The following CNTNAP2 variants were observed in gnomAD, a reference collection of about 807,000 sequenced individuals.
CNTNAP2 encodes contactin-associated protein-like 2.
Under a neutral mutation model 155.2 loss-of-function variants are expected in CNTNAP2, and 98 were observed. The ratio of observed to expected loss-of-function variants is 0.63; its 90% CI spans 0.54 to 0.75. CNTNAP2 has a LOEUF of 0.75. Among genes scored for constraint, CNTNAP2 ranks in the 30% least tolerant of loss-of-function variants. The pLI is 0.00. For missense variants in CNTNAP2, 1,727 were observed against 1,688.1 expected, an observed-to-expected ratio of 1.02 and a Z score of -0.40; for synonymous variants, 651 against 631.2, an observed-to-expected ratio of 1.03 and a Z score of -0.47.
chr7:147,935,124 A>T (rs1922889), intron 14 of CNTNAP2, among the ~76,000 whole-genome samples: 1 of 151,508 alleles, frequency 6.6e-6, no homozygotes, highest in South Asian at 2.1e-4. Flanking sequence ...AGGTTTGAGT[A>T]AATCTTTCTT....
intron 1 of CNTNAP2, among the ~76,000 whole-genome samples, chr7:146,126,722 A>G (rs1797643336): frequency 6.6e-6 from 1 of 152,238 alleles, no homozygotes; most frequent in Non-Finnish European, 1.5e-5. Context: ...TTCATTTCAT[A>G]CAATAGCTAA....
At chr7:147,728,893 G>A (rs1796688849) in intron 13 of CNTNAP2, among the ~76,000 whole-genome samples, 1 of 151,452 alleles carries the variant, frequency 6.6e-6, no homozygotes, top group Non-Finnish European at 1.5e-5. Flanking sequence ...CATAAAATTG[G>A]CAAAGCATTG....
chr7:147,669,891 T>G (rs936091489), intron 13 of CNTNAP2, among the ~76,000 whole-genome samples: 1 of 152,178 alleles, frequency 6.6e-6, no homozygotes, highest in Non-Finnish European at 1.5e-5. Flanking sequence ...CACAAACATT[T>G]CACTAACACC....
intron 1 of CNTNAP2, among the ~76,000 whole-genome samples, chr7:146,706,649 A>C (rs1800970469): frequency 6.6e-6 from 1 of 152,136 alleles, no homozygotes; most frequent in Admixed American, 6.6e-5. Flanking sequence ...CATTATCCTT[A>C]GCAAACTAAC....
At chr7:146,927,417 T>G (rs1385763883) in intron 3 of CNTNAP2, among the ~76,000 whole-genome samples, 1 of 152,132 alleles carries the variant, frequency 6.6e-6, no homozygotes, top group East Asian at 1.9e-4. Context: ...AGTCTGCAGT[T>G]TCTCCAGAAT....
chr7:146,777,625 A>G (rs910432522), intron 2 of CNTNAP2, among the ~76,000 whole-genome samples: 2 of 151,238 alleles, frequency 1.3e-5, no homozygotes, highest in Non-Finnish European at 2.9e-5. Context: ...GTGCAGTGGC[A>G]TGATCTCAGC....
intron 15 of CNTNAP2, among the ~76,000 whole-genome samples, chr7:148,095,046 A>G (rs1303147952): frequency 6.6e-6 from 1 of 152,192 alleles, no homozygotes; most frequent in Admixed American, 6.5e-5. Flanking sequence ...AGAGAGAATA[A>G]CGTCCTGAAA....
intron 10 of CNTNAP2, among the ~76,000 whole-genome samples, chr7:147,467,295 C>G (rs1798137706): frequency 6.6e-6 from 1 of 152,190 alleles, no homozygotes; most frequent in Admixed American, 6.5e-5. Flanking sequence ...ATTTAAGTAA[C>G]TGTAACTACT....
At chr7:146,806,219 C>A (rs1356113410) in intron 2 of CNTNAP2, among the ~76,000 whole-genome samples, 1 of 152,026 alleles carries the variant, frequency 6.6e-6, no homozygotes, top group Non-Finnish European at 1.5e-5. Flanking sequence ...AGGACAGTTA[C>A]AGTGGCTCAT....
chr7:148,016,753 G>A (rs1265134590), intron 15 of CNTNAP2, among the ~76,000 whole-genome samples: 1 of 152,124 alleles, frequency 6.6e-6, no homozygotes, highest in Non-Finnish European at 1.5e-5. Context: ...CAAGGAGGAA[G>A]GTATATATCC....
At chr7:147,461,141 A>T (rs1035773219) in intron 10 of CNTNAP2, among the ~76,000 whole-genome samples, 2 of 152,220 alleles carry the variant, frequency 1.3e-5, no homozygotes, top group African/African-American at 4.8e-5. Context: ...AACATTTATA[A>T]GTGAGGCCTG....
intron 1 of CNTNAP2, among the ~76,000 whole-genome samples, chr7:146,749,211 G>A (rs1027735792): frequency 6.6e-6 from 1 of 152,034 alleles, no homozygotes; most frequent in African/African-American, 2.4e-5. Context: ...ATATGTGTAT[G>A]TATCTATATG....
chr7:146,146,103 T>C (rs993357219), intron 1 of CNTNAP2, among the ~76,000 whole-genome samples: 1 of 152,252 alleles, frequency 6.6e-6, no homozygotes, highest in South Asian at 2.1e-4. Context: ...CCCCAATCAG[T>C]TGAAAGAAAT....
At chr7:147,814,112 A>G (rs1394510956) in intron 13 of CNTNAP2, among the ~76,000 whole-genome samples, 2 of 152,088 alleles carry the variant, frequency 1.3e-5, no homozygotes, top group Non-Finnish European at 2.9e-5. Flanking sequence ...TTCTAATGTG[A>G]CTTTGATATT....
chr7:147,460,279 A>G (rs1348594668), intron 10 of CNTNAP2, among the ~76,000 whole-genome samples: 2 of 152,086 alleles, frequency 1.3e-5, no homozygotes, highest in Non-Finnish European at 2.9e-5. Context: ...TGCCTCTTAA[A>G]CAGTACGGTG....
chr7:147,322,810 G>C (rs2620463), intron 9 of CNTNAP2, among the ~76,000 whole-genome samples: 50,961 of 120,574 alleles, frequency 0.42, 12,090 homozygotes, highest in East Asian at 0.69. Context: ...TTGGGAGGGT[G>C]TATGTGTCCA....
At chr7:146,159,270 C>T (rs1410915845) in intron 1 of CNTNAP2, among the ~76,000 whole-genome samples, 2 of 152,302 alleles carry the variant, frequency 1.3e-5, no homozygotes, top group Admixed American at 6.5e-5. Flanking sequence ...CAACCAGTAC[C>T]AGCCACTGCA....
In CNTNAP2 at chr7:147,190,033, C is replaced by T. The variant is rs1802651136; in HGVS notation, c.1348+57524C>T. On this transcript the variant is annotated intron_variant, in intron 8 of 23. Transcript: ENST00000361727. Reference sequence around the variant, plus strand: ...AGCTAGGATTACAGGTGTGAGCCACCGTGCCCACCCTTAACACCACTTTTT... The same window carrying T: ...AGCTAGGATTACAGGTGTGAGCCACTGTGCCCACCCTTAACACCACTTTTT... Among the ~76,000 whole-genome samples, 3 of 152,192 alleles carry T rather than the reference C, an allele frequency of 2.0e-5. No individual in the cohort carries two copies. The South Asian group carries it at 6.2e-4, about 32-fold the overall frequency.
chr7:147,638,726 G>A (rs1393324181), intron 12 of CNTNAP2: 7 of 392,874 alleles, frequency 1.8e-5, no homozygotes, highest in Non-Finnish European at 3.0e-5. Context: ...ATTTAGGAAA[G>A]AGAAAATCCT....
Sources: gnomAD v4.1 joint callset for allele counts (sites outside exome capture counted in the v4.1 genomes callset) on GRCh38, gnomAD v4.1.1 for gene constraint, MANE v1.5 for transcripts, NCBI Gene and HGNC (gene_info 2026-07-23, HGNC 2026-07-21) for gene names.